Variants in USP8 observed in about 807,000 individuals in gnomAD.
USP8 encodes the protein ubiquitin carboxyl-terminal hydrolase 8.
Under a neutral mutation model 130.0 loss-of-function variants are expected in USP8, and 27 were observed. The observed-to-expected ratio is 0.21, with a 90% CI of 0.15 to 0.29. The LOEUF is 0.29. USP8 is among the 10% of genes least tolerant of loss of function. The pLI is 1.00. For missense variants in USP8, 1,029 were observed against 1,312.2 expected, an observed-to-expected ratio of 0.78 and a Z score of 3.33; for synonymous variants, 392 against 444.1, an observed-to-expected ratio of 0.88 and a Z score of 1.48.
At chr15:50,493,955 TTAATG>T in intron 15 of USP8, 110 bp from the exon 16 acceptor site, 1 of 1,187,924 alleles carries the variant, frequency 8.4e-7, no homozygotes, top group South Asian at 1.3e-5. Flanking sequence ...AATAAGTAGT[TTAATG>T]TAGTGCTACA....
At chr15:50,492,522 A>T (rs2052214288) in intron 14 of USP8, among the ~76,000 whole-genome samples, 179 bp from the exon 15 acceptor site, 1 of 152,218 alleles carries the variant, frequency 6.6e-6, no homozygotes, top group African/African-American at 2.4e-5. Context: ...TAGTCGTATG[A>T]CTAATGTTAA....
At chr15:50,435,169 A>G (rs1053985517) in intron 1 of USP8, among the ~76,000 whole-genome samples, 2 of 152,208 alleles carry the variant, frequency 1.3e-5, no homozygotes, top group African/African-American at 4.8e-5. Flanking sequence ...GGCAAAATGC[A>G]GCAGAATGAC....
chr15:50,458,043 T>G (rs1352680697), intron 4 of USP8, among the ~76,000 whole-genome samples: 2 of 152,192 alleles, frequency 1.3e-5, no homozygotes. Flanking sequence ...GTCTTTAAAT[T>G]TGAAGCTCAC....
chr15:50,430,274 G>T (rs962177821), intron 1 of USP8, among the ~76,000 whole-genome samples: 2 of 152,152 alleles, frequency 1.3e-5, no homozygotes, highest in South Asian at 2.1e-4. Flanking sequence ...TTGAACCGGG[G>T]AGGTGGAGGT....
rs1488403753 is a variant in USP8 at position 50,432,824 on chromosome 15, C to G, written c.-65-6185C>G. ...GACCTTCTAATGGATTTTAAAAACA[C>G]TGCCCTCAAGCATTTAGCACAGTGC... On this transcript the variant is annotated intron_variant, in intron 1 of 19. Transcript: ENST00000307179. Among the ~76,000 whole-genome samples, 5 of 152,100 alleles carry G rather than the reference C, an allele frequency of 3.3e-5. No individual in the cohort carries two copies. In the East Asian group the frequency reaches 9.6e-4, roughly 29 times the overall value.
chr15:50,470,463 C>T (rs527677590), intron 7 of USP8, among the ~76,000 whole-genome samples: 2 of 152,172 alleles, frequency 1.3e-5, no homozygotes, highest in South Asian at 2.1e-4. Flanking sequence ...AGAGCAGAGG[C>T]CCTTAGGGAA....
chr15:50,425,087 C>T (rs545155912), intron 1 of USP8, among the ~76,000 whole-genome samples: 1 of 152,172 alleles, frequency 6.6e-6, no homozygotes, highest in African/African-American at 2.4e-5. Flanking sequence ...TATCAGAATC[C>T]TTACTAGCAG....
At chr15:50,441,213 A>G in intron 2 of USP8, 136 bp from the exon 3 acceptor site, 2 of 708,256 alleles carry the variant, frequency 2.8e-6, no homozygotes, top group Non-Finnish European at 4.2e-6. Context: ...GGTTCATAAC[A>G]GGCCGTGAAC....
At chr15:50,441,547 A>G in intron 3 of USP8, 54 bp downstream of exon 3, 1 of 1,456,770 alleles carries the variant, frequency 6.9e-7, no homozygotes, top group Non-Finnish European at 9.1e-7. Context: ...TAATGGAGCT[A>G]TTGATTTTTT....
intron 7 of USP8, among the ~76,000 whole-genome samples, chr15:50,469,138 A>T (rs1206886237): frequency 6.6e-6 from 1 of 152,120 alleles, no homozygotes; most frequent in Non-Finnish European, 1.5e-5. Context: ...TCATTGCCAT[A>T]TGATGTTCTG....
rs3131612 is a variant in USP8 at position 50,504,864 on chromosome 15, C to T, written c.*5776C>T. 0.22 allele frequency: 33,574 copies of T among 151,792 alleles called. 4,066 individuals carry two copies. The highest frequency in any genetic ancestry group is 0.47 in the East Asian group (2,408 of 5,138). 9.4% of individuals were successfully genotyped at this position (151,792 alleles called of 1,614,324 possible). A position where few individuals can be genotyped will look rare whatever the true frequency, so the allele number is the denominator to read the frequency against. Reference sequence around the variant, plus strand: ...GGGCCTGGTGGCGTGCACCTGTAATCCCAGCTACTTGAGAGGCTGAAGCAG... The same window carrying T: ...GGGCCTGGTGGCGTGCACCTGTAATTCCAGCTACTTGAGAGGCTGAAGCAG... On this transcript the variant is annotated 3_prime_UTR_variant, in exon 20 of 20. Coordinates refer to ENST00000307179, the MANE Select transcript of USP8 (RefSeq NM_005154.5).
rs192995776 is a variant in USP8, at chr15:50,425,422, G to A, written c.-66+908G>A. On this transcript the variant is annotated intron_variant, in intron 1 of 19. Transcript: ENST00000307179. ...GCTTGCTCTGCTGCGGCTTTGCTAT[G>A]TAAGCAGATTTTTGCATTTCAGCCG... Among the ~76,000 whole-genome samples, 132 of 152,348 alleles carry A rather than the reference G, an allele frequency of 8.7e-4. 1 individual carries two copies. The highest frequency in any genetic ancestry group is 5.4e-3 in the East Asian group (28 of 5,184).
intron 1 of USP8, among the ~76,000 whole-genome samples, chr15:50,429,783 C>G (rs1201861468): frequency 2.0e-5 from 3 of 152,090 alleles, no homozygotes; most frequent in East Asian, 1.9e-4. Context: ...TTAAAGTTCT[C>G]TAGGTAACTG....
At chr15:50,482,582 A>G (rs769872115) in intron 11 of USP8, among the ~76,000 whole-genome samples, 3 of 152,322 alleles carry the variant, frequency 2.0e-5, no homozygotes, top group Non-Finnish European at 2.9e-5. Context: ...AAATAACCCA[A>G]TTAATTTTGC....
chr15:50,430,203 C>T (rs904372308), intron 1 of USP8, among the ~76,000 whole-genome samples: 13 of 152,118 alleles, frequency 8.5e-5, no homozygotes, highest in Admixed American at 5.9e-4. Flanking sequence ...CCAGTTTAGA[C>T]AGTCACTCTT....
At chr15:50,466,320 C>T (rs745624818) in intron 7 of USP8, among the ~76,000 whole-genome samples, 7 of 152,058 alleles carry the variant, frequency 4.6e-5, no homozygotes, top group African/African-American at 9.7e-5. Flanking sequence ...GCTCTTAGGC[C>T]GGGCACACTG....
At chr15:50,434,685 C>T (rs1252663939) in intron 1 of USP8, among the ~76,000 whole-genome samples, 2 of 151,886 alleles carry the variant, frequency 1.3e-5, no homozygotes, top group Non-Finnish European at 2.9e-5. Flanking sequence ...GCTGCAATCT[C>T]CACTCACTGC....
chr15:50,456,325 A>G (rs928289621), intron 4 of USP8, among the ~76,000 whole-genome samples: 3 of 152,092 alleles, frequency 2.0e-5, no homozygotes, highest in Admixed American at 6.6e-5. Flanking sequence ...TAATCCCAGC[A>G]CTTTGGGAGG....
intron 15 of USP8, chr15:50,493,615 C>A (rs904651187): frequency 4.7e-6 from 2 of 429,880 alleles, no homozygotes; most frequent in Non-Finnish European, 9.1e-6. Flanking sequence ...TGTGGTGATA[C>A]ATGCCTATAG....
Sources: allele counts gnomAD v4.1 joint callset (sites outside exome capture counted in the v4.1 genomes callset), GRCh38; gene constraint gnomAD v4.1.1; transcripts MANE v1.5; gene names NCBI Gene and HGNC (gene_info 2026-07-23, HGNC 2026-07-21).